The following NHSL1 variants were observed in gnomAD, a reference collection of about 807,000 sequenced individuals.
NHSL1 encodes the protein NHS like 1.
In NHSL1, 48 loss-of-function variants were observed where a neutral mutation model predicts 95.0. The ratio of observed to expected loss-of-function variants is 0.51; its 90% confidence interval spans 0.40 to 0.64. The LOEUF (loss-of-function observed/expected upper bound fraction) is 0.64, where lower values mean the gene tolerates loss of function less well. NHSL1 is among the 30% of genes least tolerant of loss of function. NHSL1 has a pLI of 0.00. For missense variants in NHSL1, 1,971 were observed against 2,077.7 expected, an observed-to-expected ratio of 0.95 and a Z score of 1.00; for synonymous variants, 783 against 833.9, an observed-to-expected ratio of 0.94 and a Z score of 1.05.
At chr6:138,438,490 C>T (rs1776327079) in intron 5 of NHSL1, among the ~76,000 whole-genome samples, 1 of 152,116 alleles carries the variant, frequency 6.6e-6, no homozygotes, top group South Asian at 2.1e-4. Flanking sequence ...TGGTCTGGAA[C>T]TATAGCTGCA....
intron 1 of NHSL1, among the ~76,000 whole-genome samples, chr6:138,683,337 C>T (rs936650280): frequency 4.6e-5 from 7 of 152,220 alleles, no homozygotes; most frequent in African/African-American, 9.7e-5. Context: ...TTCAGTGGCA[C>T]GGCCTCCTGC....
chr6:138,525,527 CAAAA>C (rs1482334495), intron 1 of NHSL1, among the ~76,000 whole-genome samples: 1 of 115,230 alleles, frequency 8.7e-6, no homozygotes, highest in East Asian at 2.7e-4. Context: ...GACCTTGTCT[CAAAA>C]TAAATAAATA....
chr6:138,498,642 G>A (rs984087769), intron 1 of NHSL1, among the ~76,000 whole-genome samples: 1 of 152,212 alleles, frequency 6.6e-6, no homozygotes, highest in Non-Finnish European at 1.5e-5. Flanking sequence ...TTAAAGAAAT[G>A]TAAGTCAATG....
chr6:138,552,518 A>G lies in NHSL1; in HGVS notation c.202+19192T>C, dbSNP rs148068631. Among the ~76,000 whole-genome samples the G allele has an allele frequency of 5.7e-3, 874 of 152,186 alleles. 22 individuals carry two copies. The highest frequency in any genetic ancestry group is 0.048 in the Admixed American group (736 of 15,302). ...CATAGCCAAGCCTAGGTCTCTTGAC[A>G]TCAGTCAAGAAAGTAGCCCTCATTT... On this transcript the variant is annotated intron_variant, in intron 1 of 6. Coordinates refer to the NHSL1 transcript ENST00000427025.
At chr6:138,510,152 G>A (rs929147575) in intron 1 of NHSL1, among the ~76,000 whole-genome samples, 3 of 152,130 alleles carry the variant, frequency 2.0e-5, no homozygotes, top group Admixed American at 6.5e-5. Context: ...TGAAACAATC[G>A]CTGTGAACTT....
intron 1 of NHSL1, among the ~76,000 whole-genome samples, chr6:138,690,492 G>C (rs111874288): frequency 7.2e-5 from 11 of 152,064 alleles, no homozygotes; most frequent in African/African-American, 2.7e-4. Context: ...TGTAATCCCA[G>C]CACTTTGGGA....
rs1562264300 is a variant in NHSL1, at chr6:138,432,978, G to A, written c.1367C>T (p.Ser456Phe). 2.6e-6 allele frequency: 4 copies of A among 1,551,436 alleles called. No homozygotes were observed. The highest frequency in any genetic ancestry group is 2.4e-5 in the East Asian group (1 of 40,900). ...AGGATCACCTTTCACAGCATGCCTG[G>A]AGATGAGGTGGTCTCTGGATTTTAT... ...ARIKSRDHLI[S>F]RHAVKGDPQS... The change falls in exon 6 of 8, where the codon TCC becomes TTC. Residue 456 changes from serine to phenylalanine, a missense_variant. Physicochemically the swap from Ser to Phe is radical, Grantham distance 155 (BLOSUM62 -2). Transcript: ENST00000343505. This position sits in a 1 kb window ranked among gnomAD's most constrained non-coding sequence, Gnocchi z 4.4.
intron 1 of NHSL1, among the ~76,000 whole-genome samples, chr6:138,554,562 T>C (rs1233436674): frequency 6.6e-6 from 1 of 152,206 alleles, no homozygotes. Flanking sequence ...AACAAAAAGA[T>C]AAAATTCCAG....
chr6:138,653,306 A>G (rs1250580888), intron 1 of NHSL1, among the ~76,000 whole-genome samples: 1 of 152,180 alleles, frequency 6.6e-6, no homozygotes, highest in East Asian at 1.9e-4. Flanking sequence ...CTGTAATCTC[A>G]GCACTTTGGG....
At chr6:138,499,842 A>G (rs912937837), upstream of NHSL1, among the ~76,000 whole-genome samples, 3 of 152,164 alleles carry the variant, frequency 2.0e-5, no homozygotes, top group African/African-American at 7.2e-5. Flanking sequence ...TTAGGGGGGA[A>G]AAAAACCAAA....
chr6:138,677,546 C>T (rs1360762734), intron 1 of NHSL1, among the ~76,000 whole-genome samples: 6 of 152,128 alleles, frequency 3.9e-5, no homozygotes, highest in African/African-American at 9.7e-5. Context: ...CACTGTTGCA[C>T]GATAATGAAG....
chr6:138,480,974 G>A (rs898764032), intron 2 of NHSL1, among the ~76,000 whole-genome samples: 1 of 152,160 alleles, frequency 6.6e-6, no homozygotes, highest in African/African-American at 2.4e-5. Flanking sequence ...GTTTCTGGTA[G>A]ATCGAAGTTT....
At chr6:138,465,718 T>C (rs887062499) in intron 3 of NHSL1, among the ~76,000 whole-genome samples, 1 of 147,310 alleles carries the variant, frequency 6.8e-6, no homozygotes, top group Non-Finnish European at 1.5e-5. Flanking sequence ...CACTTTTTTT[T>C]CTTTTCTTTT....
intron 3 of NHSL1, among the ~76,000 whole-genome samples, chr6:138,465,728 T>C (rs554569361): frequency 2.9e-5 from 4 of 137,076 alleles, no homozygotes; most frequent in South Asian, 2.1e-4. Flanking sequence ...TCTTTTCTTT[T>C]TTTTTTTTTT....
At chr6:138,513,777 C>T (rs1781337852) in intron 1 of NHSL1, among the ~76,000 whole-genome samples, 1 of 152,058 alleles carries the variant, frequency 6.6e-6, no homozygotes. Flanking sequence ...TCACTTTCAT[C>T]GAAACCTATA....
chr6:138,499,889 G>A (rs569175544), upstream of NHSL1, among the ~76,000 whole-genome samples: 13 of 152,236 alleles, frequency 8.5e-5, no homozygotes, highest in Middle Eastern at 0.024. Context: ...CTCTGCCTCC[G>A]ATACCAAAGG....
At position 138,670,103 on chromosome 6, in the gene NHSL1, A is replaced by G. The variant is rs149984329; in HGVS notation, c.96+22373T>C. Among the ~76,000 whole-genome samples, 1,010 of 152,210 alleles carry G rather than the reference A, an allele frequency of 6.6e-3. 11 individuals carry two copies. Among genetic ancestry groups the G allele is most frequent in the African/African-American group, 0.023 (957 of 41,524 alleles). ...GCCACTGCACTCCAGCCTGGGTGAC[A>G]GAGTGAGACTCCATCTCAAAAACTA... is the stretch of plus-strand genomic sequence containing the variant. On this transcript the variant is annotated intron_variant, in intron 1 of 3. Coordinates refer to the NHSL1 transcript ENST00000491526.
intron 7 of NHSL1, among the ~76,000 whole-genome samples, chr6:138,428,614 C>T (rs1775420374): frequency 6.6e-6 from 1 of 152,198 alleles, no homozygotes; most frequent in Non-Finnish European, 1.5e-5. Context: ...GTTCCCCCCA[C>T]ACCAAGTTAG....
intron 1 of NHSL1, among the ~76,000 whole-genome samples, chr6:138,607,066 C>A (rs534444934): frequency 6.6e-6 from 1 of 152,232 alleles, no homozygotes; most frequent in East Asian, 1.9e-4. Flanking sequence ...CCCCCAGGTG[C>A]TACCATCAAA....
Sources: gnomAD v4.1 joint callset for allele counts (sites outside exome capture counted in the v4.1 genomes callset) on GRCh38, gnomAD v4.1.1 for gene constraint, Gnocchi (gnomAD v3.1) non-coding constraint, MANE v1.5 for transcripts, NCBI Gene and HGNC (gene_info 2026-07-23, HGNC 2026-07-21) for gene names.